The following ATP6V1C1 variants were observed in gnomAD, a reference collection of about 807,000 sequenced individuals.
ATP6V1C1 encodes ATPase H+ transporting V1 subunit C1.
ATP6V1C1 carries 45 observed loss-of-function variants against 53.9 expected under a neutral mutation model. That is an observed-to-expected ratio of 0.83 (90% CI 0.66 to 1.07). ATP6V1C1 has a LOEUF of 1.07. ATP6V1C1 is among the 50% of genes least tolerant of loss of function. ATP6V1C1 has a pLI of 0.00. For synonymous variants in ATP6V1C1, 153 were observed against 155.2 expected (o/e 0.99, Z 0.11); for missense variants, 315 against 440.3 (o/e 0.72, Z 2.55).
chr8:103,047,868 G>GT (rs1327582330), intron 3 of ATP6V1C1, among the ~76,000 whole-genome samples: 1 of 152,224 alleles, frequency 6.6e-6, no homozygotes, highest in African/African-American at 2.4e-5. Context: ...GTAGCTGCTA[G>GT]TGATCCCTTT....
intron 1 of ATP6V1C1, among the ~76,000 whole-genome samples, chr8:103,028,371 T>C (rs142786502): frequency 6.6e-6 from 1 of 152,240 alleles, no homozygotes; most frequent in Non-Finnish European, 1.5e-5. Context: ...ATTGGCAGAT[T>C]TGAGTTTTGT....
chr8:103,057,348 G>T (rs1817305481), intron 8 of ATP6V1C1, among the ~76,000 whole-genome samples: 1 of 152,188 alleles, frequency 6.6e-6, no homozygotes, highest in African/African-American at 2.4e-5. Context: ...TATCTGATTG[G>T]TTGCAGAAGG....
intron 1 of ATP6V1C1, among the ~76,000 whole-genome samples, chr8:103,038,957 T>G (rs1192715254): frequency 6.6e-6 from 1 of 152,230 alleles, no homozygotes; most frequent in African/African-American, 2.4e-5. Flanking sequence ...TGTTGGCCAT[T>G]TGGGAAAGTG....
chr8:103,045,727 G>A (rs1208368700), intron 3 of ATP6V1C1, among the ~76,000 whole-genome samples: 1 of 152,098 alleles, frequency 6.6e-6, no homozygotes, highest in African/African-American at 2.4e-5. Context: ...GGATCATGAG[G>A]TCAGGAGATC....
chr8:103,048,874 G>A lies in ATP6V1C1; in HGVS notation c.205G>A (p.Val69Ile), dbSNP rs376612411. The change falls in exon 4 of 13, where the codon GTT (valine) becomes ATT (isoleucine). Residue 69 changes from valine (V) to isoleucine (I), a missense_variant. Physicochemically the swap from Val to Ile is conservative, Grantham distance 29 (BLOSUM62 3). Coordinates refer to ENST00000518738, the MANE Select transcript of ATP6V1C1 (RefSeq NM_001695.5). ...AKLDAFVEGV[V>I]KKVAQYMADV... ...TTGATATTTTTTCTTCCCCAGAGTG[G>A]TTAAGAAAGTAGCTCAATACATGGC... is the stretch of plus-strand genomic sequence containing the variant. 3.1e-6 allele frequency: 5 copies of A among 1,612,522 alleles called. No homozygotes were observed. The highest frequency in any genetic ancestry group is 1.6e-4 in the Middle Eastern group (1 of 6,074).
At chr8:103,050,379 T>C (rs1225345749) in intron 4 of ATP6V1C1, among the ~76,000 whole-genome samples, 1 of 152,184 alleles carries the variant, frequency 6.6e-6, no homozygotes, top group Non-Finnish European at 1.5e-5. Context: ...GACTGACTGG[T>C]ATTATGTAAG....
chr8:103,051,742 A>AG (rs1223020465), intron 5 of ATP6V1C1, among the ~76,000 whole-genome samples: 1 of 152,128 alleles, frequency 6.6e-6, no homozygotes. Context: ...AGAACTTGAG[A>AG]GGAAAAAAAA....
chr8:103,061,080 G>A (rs1817388009), intron 8 of ATP6V1C1, among the ~76,000 whole-genome samples: 1 of 152,224 alleles, frequency 6.6e-6, no homozygotes, highest in African/African-American at 2.4e-5. Flanking sequence ...TCTTGGCAAA[G>A]CAGAAGATCC....
At chr8:103,053,154 T>C (rs1446562979) in intron 6 of ATP6V1C1, among the ~76,000 whole-genome samples, 1 of 152,050 alleles carries the variant, frequency 6.6e-6, no homozygotes, top group African/African-American at 2.4e-5. Flanking sequence ...TGCATAGTAA[T>C]TACCTATCAC....
rs746362328 is a variant in ATP6V1C1 at position 103,066,349 on chromosome 8, A to G, written c.955A>G (p.Met319Val). The stretch of plus-strand genomic sequence containing the variant: ...TGGCTTGCCAGTGAACTTCCAAGCA[A>G]TGCTACTTCAGCCCAATAAGAAAAC... ...RYGLPVNFQAMLLQPNKKTLK... is the reference protein window; with the variant it reads ...RYGLPVNFQAVLLQPNKKTLK... The change falls in exon 12 of 13, where the codon ATG (methionine) becomes GTG (valine). Residue 319 changes from methionine (M) to valine (V), a missense_variant. Transcript: ENST00000518738. 16 of 1,613,148 alleles carry G rather than the reference A, an allele frequency of 9.9e-6. No individual in the cohort carries two copies. In the African/African-American group the frequency reaches 1.2e-4, roughly 12 times the overall value.
intron 2 of ATP6V1C1, 107 bp downstream of exon 2, chr8:103,041,075 C>T: frequency 7.9e-7 from 1 of 1,260,420 alleles, no homozygotes; most frequent in Non-Finnish European, 1.1e-6. Flanking sequence ...AAGAAAACCT[C>T]CTCTCCAGCC....
At chr8:103,045,382 T>C (rs1049419564) in intron 3 of ATP6V1C1, among the ~76,000 whole-genome samples, 1 of 152,182 alleles carries the variant, frequency 6.6e-6, no homozygotes, top group Non-Finnish European at 1.5e-5. Flanking sequence ...TTCTTTAATA[T>C]TGGAGTCAAG....
intron 3 of ATP6V1C1, among the ~76,000 whole-genome samples, chr8:103,047,425 C>A (rs56133596): frequency 0.017 from 1,103 of 66,174 alleles, 17 homozygotes; most frequent in African/African-American, 0.08. Context: ...AAAAAAAATG[C>A]GCGCGCACAC....
At chr8:103,024,449 A>C (rs1461510915) in intron 1 of ATP6V1C1, among the ~76,000 whole-genome samples, 1 of 152,206 alleles carries the variant, frequency 6.6e-6, no homozygotes, top group Non-Finnish European at 1.5e-5. Flanking sequence ...TGCCAAAGTA[A>C]ACCTTTGCCA....
rs1231114823 is a variant in ATP6V1C1, at chr8:103,053,978, C to T, written c.568C>T (p.Pro190Ser). 10 of 1,600,552 alleles carry T rather than the reference C, an allele frequency of 6.2e-6. No homozygotes were observed. The highest frequency in any genetic ancestry group is 8.5e-7 in the Non-Finnish European group (1 of 1,172,026). Residue 190 changes from proline (P) to serine (S), a missense_variant, in exon 7 of 13, where the codon CCC becomes TCC. Pro to Ser is a moderately conservative substitution (Grantham distance 74, BLOSUM62 -1). Transcript: ENST00000518738. ...TCTCGTCACATTACTGGTAGTAGTTCCCAAGTAAGTCTTTCTATTATAAAA... is the reference window on the plus strand; with the variant it reads ...TCTCGTCACATTACTGGTAGTAGTTTCCAAGTAAGTCTTTCTATTATAAAA... ...EYLVTLLVVV[P>S]KLNHNDWIKQ... is the part of the protein sequence containing the mutation.
chr8:103,069,364 A>G lies in ATP6V1C1; in HGVS notation c.*617A>G, dbSNP rs975961997. ...ATAGCTCACTTGCTATGCTGCTTCC[A>G]GGATTTTGTTATATGCTGAGGTGTA... On this transcript the variant is annotated 3_prime_UTR_variant, in exon 13 of 13. Transcript: ENST00000518738. The G allele has an allele frequency of 1.3e-5, 2 of 152,246 alleles. No homozygotes were observed. Among genetic ancestry groups the G allele is most frequent in the South Asian group, 4.1e-4 (2 of 4,836 alleles). The allele number at this position is 152,246 out of a possible 1,614,324, so 9.4% of individuals were successfully genotyped here. A position where few individuals can be genotyped will look rare whatever the true frequency, so the allele number is the denominator to read the frequency against.
intron 1 of ATP6V1C1, among the ~76,000 whole-genome samples, chr8:103,026,491 AC>A (rs2131379967): frequency 6.6e-6 from 1 of 152,352 alleles, no homozygotes; most frequent in South Asian, 2.1e-4. Flanking sequence ...AAAACAAAAC[AC>A]GGAATATTTA....
chr8:103,065,179 A>G (rs1464668510), intron 11 of ATP6V1C1, among the ~76,000 whole-genome samples: 5 of 152,210 alleles, frequency 3.3e-5, no homozygotes, highest in African/African-American at 9.7e-5. Context: ...ATATTAACCT[A>G]AAGTATTTTA....
intron 4 of ATP6V1C1, among the ~76,000 whole-genome samples, chr8:103,049,443 C>G (rs933083091): frequency 5.9e-5 from 9 of 152,060 alleles, no homozygotes; most frequent in Admixed American, 5.9e-4. Flanking sequence ...ACTTAATACC[C>G]GTAAAATAGC....
Sources: allele counts gnomAD v4.1 joint callset (sites outside exome capture counted in the v4.1 genomes callset), GRCh38; gene constraint gnomAD v4.1.1; transcripts MANE v1.5; gene names NCBI Gene and HGNC (gene_info 2026-07-23, HGNC 2026-07-21).